Variants in CFAP54 observed in about 807,000 individuals in gnomAD.
The protein encoded by CFAP54 is cilia and flagella associated protein 54.
Under a neutral mutation model 370.4 loss-of-function variants are expected in CFAP54, and 290 were observed. That is an observed-to-expected ratio of 0.78 (90% CI 0.71 to 0.86). CFAP54 has a LOEUF of 0.86. Among genes scored for constraint, CFAP54 ranks in the 40% least tolerant of loss-of-function variants. The probability of loss-of-function intolerance (pLI) is 0.00; values close to 1 mark genes in which losing one functional copy is unlikely to be tolerated. For synonymous variants in CFAP54, 1,206 were observed against 1,236.5 expected (o/e 0.98, Z 0.52); for missense variants, 3,399 against 3,528.7 (o/e 0.96, Z 0.93).
chr12:96,731,033 C>T (rs1186415188), intron 50 of CFAP54, among the ~76,000 whole-genome samples: 4 of 152,140 alleles, frequency 2.6e-5, no homozygotes, highest in African/African-American at 9.7e-5. Flanking sequence ...TACATGAGGT[C>T]AGAACCATAT....
intron 62 of CFAP54, among the ~76,000 whole-genome samples, chr12:96,790,339 C>CA (rs200401080): frequency 0.013 from 1,572 of 124,844 alleles, 10 homozygotes; most frequent in Middle Eastern, 0.026. Flanking sequence ...TTTCAAAGAA[C>CA]AAAAAAAAAA....
At chr12:96,843,590 A>T (rs768102636) in intron 66 of CFAP54, among the ~76,000 whole-genome samples, 32 of 152,188 alleles carry the variant, frequency 2.1e-4, no homozygotes, top group Admixed American at 2.1e-3. Context: ...TGCAAAGTCC[A>T]GTGAGAGTTG....
Position 96,702,687 on chromosome 12 carries a change from G to T in CFAP54, c.6475-2056G>T, listed in dbSNP as rs115903863. The stretch of plus-strand genomic sequence containing the variant: ...CCAGTAGATTCTGATTTCAGATTTT[G>T]TATTCTCAAAGTTAATTTGCAGCTT... On this transcript the variant is annotated intron_variant, in intron 46 of 67. Coordinates refer to ENST00000524981, the MANE Select transcript of CFAP54 (RefSeq NM_001306084.2). 9.0e-3 allele frequency among the ~76,000 whole-genome samples: 1,376 copies of T among 152,288 alleles called. 27 individuals are homozygous for T. Among genetic ancestry groups the T allele is most frequent in the African/African-American group, 0.032 (1,330 of 41,552 alleles).
intron 63 of CFAP54, among the ~76,000 whole-genome samples, chr12:96,798,789 A>G (rs1184650301): frequency 6.6e-6 from 1 of 152,230 alleles, no homozygotes; most frequent in Admixed American, 6.5e-5. Flanking sequence ...TTAAAGTTTA[A>G]TAGCTTCAAA....
intron 45 of CFAP54, among the ~76,000 whole-genome samples, chr12:96,698,959 C>T (rs897879463): frequency 1.5e-4 from 23 of 152,184 alleles, no homozygotes; most frequent in African/African-American, 2.4e-5. Flanking sequence ...TCCCTGGAAT[C>T]TTCTTGGGTC....
intron 66 of CFAP54, among the ~76,000 whole-genome samples, chr12:96,844,831 G>A (rs1959292983): frequency 6.6e-6 from 1 of 152,096 alleles, no homozygotes. Flanking sequence ...CCAAGGTTCT[G>A]TATGAAACGC....
Position 96,700,108 on chromosome 12 carries a change from T to C in CFAP54, c.6474+15T>C. On this transcript the variant is annotated intron_variant, in intron 46 of 67. Coordinates refer to ENST00000524981, the MANE Select transcript of CFAP54 (RefSeq NM_001306084.2). ...GAAAAATGAAGGTAACCTGACAATTTGATTCAAAGCAATTTCTTTACCTAT... is the reference window on the plus strand; with the variant it reads ...GAAAAATGAAGGTAACCTGACAATTCGATTCAAAGCAATTTCTTTACCTAT... 5.6e-6 allele frequency: 9 copies of C among 1,598,138 alleles called. No homozygotes were observed. The highest frequency in any genetic ancestry group is 6.8e-6 in the Non-Finnish European group (8 of 1,174,050).
At position 96,650,054 on chromosome 12, in the gene CFAP54, A is replaced by T; in HGVS notation, c.4854A>T (p.Leu1618Phe). ...TGGATCATTTTATGAAAATCTTTTT[A>T]TACTGCAGGAGAGCAATGGTAATGC... The part of the protein sequence containing the change: ...CVMDHFMKIF[L>F]YCRRAMVLAH... Residue 1618 changes from leucine to phenylalanine, a missense_variant, in exon 35 of 68, where the codon TTA becomes TTT. This residue lies in a region of CFAP54 where 2,796 missense variants were observed against 2,869.7 expected (regional missense o/e 0.97). Coordinates refer to ENST00000524981, the MANE Select transcript of CFAP54 (RefSeq NM_001306084.2). 1 of 1,611,994 alleles carries T rather than the reference A, an allele frequency of 6.2e-7. No homozygotes were observed. Among genetic ancestry groups the T allele is most frequent in the Non-Finnish European group, 8.5e-7 (1 of 1,179,308 alleles).
intron 19 of CFAP54, among the ~76,000 whole-genome samples, chr12:96,571,340 G>A (rs75653708): frequency 0.024 from 3,697 of 152,300 alleles, 101 homozygotes; most frequent in African/African-American, 0.065. Context: ...GCACATTGCA[G>A]TGGAAACCAC....
At chr12:96,755,215 T>G (rs1416518556) in intron 56 of CFAP54, among the ~76,000 whole-genome samples, 1 of 152,224 alleles carries the variant, frequency 6.6e-6, no homozygotes, top group Non-Finnish European at 1.5e-5. Flanking sequence ...TTTCAATTTA[T>G]TTTTAACTGA....
intron 60 of CFAP54, among the ~76,000 whole-genome samples, chr12:96,771,646 C>G (rs772838705): frequency 4.6e-5 from 7 of 151,926 alleles, no homozygotes; most frequent in South Asian, 2.1e-4. Context: ...AGCGAGACTC[C>G]GCCTCAAAAA....
chr12:96,641,680 A>G (rs544725275), intron 32 of CFAP54, among the ~76,000 whole-genome samples: 1 of 152,308 alleles, frequency 6.6e-6, no homozygotes, highest in South Asian at 2.1e-4. Flanking sequence ...AACCAAGCCA[A>G]ATGTCCAACA....
At chr12:96,503,788 A>G in intron 2 of CFAP54, 98 bp from the exon 3 acceptor site, 1 of 1,086,196 alleles carries the variant, frequency 9.2e-7, no homozygotes, top group Non-Finnish European at 1.2e-6. Flanking sequence ...AATTGTAATA[A>G]TCAACCTTGA....
chr12:96,684,841 A>G (rs774234413), intron 41 of CFAP54, 106 bp downstream of exon 41: 45 of 1,035,726 alleles, frequency 4.3e-5, no homozygotes, highest in Non-Finnish European at 6.2e-5. Context: ...TAGTTCTTCA[A>G]CAATACTACA....
chr12:96,532,563 A>T (rs1955450777), intron 9 of CFAP54, among the ~76,000 whole-genome samples: 2 of 151,878 alleles, frequency 1.3e-5, no homozygotes, highest in East Asian at 3.9e-4. Context: ...AGGAGAGGGG[A>T]TGTTTCTCTT....
intron 3 of CFAP54, among the ~76,000 whole-genome samples, chr12:96,505,653 C>T (rs1169574265): frequency 1.3e-5 from 2 of 151,942 alleles, no homozygotes; most frequent in Non-Finnish European, 2.9e-5. Flanking sequence ...CAGGTGCGCA[C>T]CATCATGCCT....
chr12:96,563,683 G>A (rs181837519), intron 17 of CFAP54, among the ~76,000 whole-genome samples: 4 of 152,216 alleles, frequency 2.6e-5, no homozygotes, highest in East Asian at 1.9e-4. Flanking sequence ...ACTATCACAT[G>A]GTGGCTCATG....
chr12:96,765,649 A>G (rs549326309), intron 60 of CFAP54, among the ~76,000 whole-genome samples: 1 of 152,282 alleles, frequency 6.6e-6, no homozygotes, highest in East Asian at 1.9e-4. Flanking sequence ...CTCTCATTAA[A>G]TTATCATCAG....
chr12:96,490,071 A>C, intron 1 of CFAP54, 145 bp downstream of exon 1: 1 of 719,814 alleles, frequency 1.4e-6, no homozygotes, highest in Non-Finnish European at 2.2e-6. Context: ...GACAAAGTTT[A>C]AGAAGTGGAG....
Sources: gnomAD v4.1 joint callset for allele counts (sites outside exome capture counted in the v4.1 genomes callset) on GRCh38, gnomAD v4.1.1 for gene constraint, gnomAD v4.1.1 regional missense constraint, MANE v1.5 for transcripts, NCBI Gene and HGNC (gene_info 2026-07-23, HGNC 2026-07-21) for gene names.